SDK2: variants seen among roughly 807,000 people sequenced by gnomAD.
SDK2 encodes the protein sidekick cell adhesion molecule 2.
In SDK2, 105 loss-of-function variants were observed where a neutral mutation model predicts 253.9. The ratio of observed to expected loss-of-function variants is 0.41; its 90% CI spans 0.35 to 0.49. The LOEUF is 0.49. Among genes scored for constraint, SDK2 ranks in the 20% least tolerant of loss-of-function variants. SDK2 has a pLI of 0.06. For synonymous variants in SDK2, 1,249 were observed against 1,234.9 expected (o/e 1.01, Z -0.24); for missense variants, 2,608 against 3,003.0 (o/e 0.87, Z 3.07).
intron 1 of SDK2, among the ~76,000 whole-genome samples, chr17:73,567,782 T>C (rs1452803652): frequency 6.6e-6 from 1 of 152,264 alleles, no homozygotes; most frequent in East Asian, 1.9e-4. Flanking sequence ...TGTCATTTCT[T>C]TCTTTTGGTT....
chr17:73,605,789 C>T (rs1281698624), intron 1 of SDK2, among the ~76,000 whole-genome samples: 4 of 152,166 alleles, frequency 2.6e-5, no homozygotes, highest in African/African-American at 9.7e-5. Context: ...ACAACACCAG[C>T]CCTTTGTGGC....
intron 40 of SDK2, among the ~76,000 whole-genome samples, chr17:73,353,090 C>CAAA (rs11370779): frequency 6.7e-6 from 1 of 149,470 alleles, no homozygotes. Context: ...GACTCAGTCT[C>CAAA]AAAAAAAAAA....
Position 73,419,290 on chromosome 17 carries a change from C to T in SDK2, c.2062G>A (p.Glu688Lys). ...TTCTGTGGAGGGGCCGTGGGGGGCT[C>T]CTCGGGGAGGGAGACCCTGGATCAC... is the stretch of plus-strand genomic sequence containing the variant. ...KDTERVSLPE[E>K]PPTAPPQNVI... Residue 688 changes from glutamate (E) to lysine (K), a missense_variant, in exon 16 of 45, where the codon GAG becomes AAG. Coordinates refer to ENST00000392650, the MANE Select transcript of SDK2 (RefSeq NM_001144952.2). The T allele has an allele frequency of 6.2e-7, 1 of 1,612,540 alleles. No individual in the cohort carries two copies.
intron 36 of SDK2, among the ~76,000 whole-genome samples, chr17:73,377,080 A>G (rs1195464226): frequency 6.6e-6 from 1 of 152,028 alleles, no homozygotes; most frequent in East Asian, 1.9e-4. Flanking sequence ...CACTTAAGCC[A>G]TGGCACTGGG....
chr17:73,455,912 C>T lies in SDK2; in HGVS notation c.473G>A (p.Ser158Asn). Residue 158 changes from serine to asparagine, a missense_variant, in exon 4 of 45, where the codon AGC (serine) becomes AAC (asparagine). Around this residue, in one of 2 missense-constraint regions of SDK2, gnomAD observed 1,505 missense variants for 1,859.1 expected, o/e 0.81. Transcript: ENST00000392650. This position sits in a 1 kb window ranked among gnomAD's most constrained non-coding sequence, Gnocchi z 5.0. The part of the protein sequence containing the change: ...FRDGRKIPPS[S>N]RIAITLENTL... ...CTCAGAGCGATGCACTCACATGCGG[C>T]TGCTGGGCGGGATCTTGCGGCCGTC... The T allele has an allele frequency of 1.9e-6, 3 of 1,543,006 alleles. No individual in the cohort carries two copies.
rs1337972322 is a variant in SDK2, at chr17:73,612,786, G to A, written c.64+31239C>T. Among the ~76,000 whole-genome samples the A allele has an allele frequency of 3.3e-5, 5 of 152,066 alleles. No individual in the cohort carries two copies. Among genetic ancestry groups the A allele is most frequent in the African/African-American group, 7.2e-5 (3 of 41,408 alleles). ...ACAAAAATTAGCTGTACCTGGTGGT[G>A]CGCACCTGTAGTCCCAGCTACTCAG... On this transcript the variant is annotated intron_variant, in intron 1 of 44. Transcript: ENST00000392650. The surrounding 1 kb of genome is among the most constrained non-coding windows in gnomAD (Gnocchi z 4.4).
intron 1 of SDK2, among the ~76,000 whole-genome samples, chr17:73,561,504 A>C (rs997348103): frequency 3.3e-5 from 5 of 152,224 alleles, no homozygotes; most frequent in African/African-American, 1.2e-4. Flanking sequence ...CGCCTTCTTC[A>C]GGCCATACTG....
intron 18 of SDK2, among the ~76,000 whole-genome samples, chr17:73,411,103 G>C (rs11650320): frequency 6.6e-6 from 1 of 151,912 alleles, no homozygotes; most frequent in Non-Finnish European, 1.5e-5. Flanking sequence ...AGAGTTTTCC[G>C]GCAGCGAGTG....
intron 1 of SDK2, among the ~76,000 whole-genome samples, chr17:73,560,888 G>A (rs1192273731): frequency 6.6e-6 from 1 of 152,194 alleles, no homozygotes; most frequent in African/African-American, 2.4e-5. Context: ...TGGCGTCTGG[G>A]CCAGCAAGGA....
chr17:73,467,387 C>T lies in SDK2; in HGVS notation c.331+4725G>A, dbSNP rs1017978982. Among the ~76,000 whole-genome samples, 2 of 152,128 alleles carry T rather than the reference C, an allele frequency of 1.3e-5. No homozygotes were observed. Among genetic ancestry groups the T allele is most frequent in the East Asian group, 1.9e-4 (1 of 5,178 alleles). On this transcript the variant is annotated intron_variant, in intron 3 of 44. Coordinates refer to ENST00000392650, the MANE Select transcript of SDK2 (RefSeq NM_001144952.2). The surrounding 1 kb of genome is among the most constrained non-coding windows in gnomAD (Gnocchi z 4.1). ...CAAGGTGTGTCACCCGGCCGAGCCTCGGTTTCCTCATCTGTAACATGGAGA... is the reference window on the plus strand; with the variant it reads ...CAAGGTGTGTCACCCGGCCGAGCCTTGGTTTCCTCATCTGTAACATGGAGA...
intron 1 of SDK2, among the ~76,000 whole-genome samples, chr17:73,562,101 G>A (rs1336840538): frequency 6.6e-6 from 1 of 152,136 alleles, no homozygotes; most frequent in East Asian, 1.9e-4. Flanking sequence ...ACTCCAACCT[G>A]GGCGACAGAG....
At chr17:73,546,282 T>C (rs1008559538) in intron 1 of SDK2, among the ~76,000 whole-genome samples, 5 of 152,174 alleles carry the variant, frequency 3.3e-5, no homozygotes, top group African/African-American at 1.2e-4. Context: ...ATTAGTTCAT[T>C]AGCTGACACG....
intron 2 of SDK2, among the ~76,000 whole-genome samples, chr17:73,504,712 C>T (rs1171346170): frequency 1.1e-5 from 1 of 95,000 alleles, no homozygotes; most frequent in Non-Finnish European, 2.6e-5. Context: ...GAGCTGGGCC[C>T]TGCAGGAGAA....
intron 2 of SDK2, among the ~76,000 whole-genome samples, chr17:73,503,796 C>A (rs2063909459): frequency 6.6e-6 from 1 of 152,214 alleles, no homozygotes; most frequent in Admixed American, 6.5e-5. Context: ...TGTTGCCCAC[C>A]ACGACTGGTC....
At position 73,581,510 on chromosome 17, in the gene SDK2, C is replaced by T. The variant is rs555412500; in HGVS notation, c.64+62515G>A. Among the ~76,000 whole-genome samples the T allele has an allele frequency of 2.0e-5, 3 of 152,352 alleles. 1 individual carries two copies. The highest frequency in any genetic ancestry group is 2.1e-4 in the South Asian group (1 of 4,822). ...CCTGCCCCAGCTTGGCTGTGATAAG[C>T]GCACCTTCAAGGCTTAGAGGCTTTT... On this transcript the variant is annotated intron_variant, in intron 1 of 44. Coordinates refer to ENST00000392650, the MANE Select transcript of SDK2 (RefSeq NM_001144952.2).
At chr17:73,596,084 T>C (rs9902987) in intron 1 of SDK2, among the ~76,000 whole-genome samples, 55,028 of 151,998 alleles carry the variant, frequency 0.36, 10,928 homozygotes, top group African/African-American at 0.54. Flanking sequence ...CCCCAACACG[T>C]TTGGGCTGTC....
chr17:73,373,084 A>G (rs1246234657), intron 36 of SDK2, among the ~76,000 whole-genome samples: 2 of 152,126 alleles, frequency 1.3e-5, no homozygotes, highest in Non-Finnish European at 2.9e-5. Flanking sequence ...TATGAGTTTG[A>G]TTATTTTAGA....
intron 18 of SDK2, among the ~76,000 whole-genome samples, chr17:73,409,863 T>TCTC (rs1555763817): frequency 8.3e-5 from 7 of 83,918 alleles, no homozygotes; most frequent in Non-Finnish European, 1.8e-4. Context: ...GTCTCTCTCT[T>TCTC]TCTTTTTTTG....
chr17:73,534,931 A>G lies in SDK2; in HGVS notation c.65-27334T>C, dbSNP rs1219792014. On this transcript the variant is annotated intron_variant, in intron 1 of 44. Transcript: ENST00000392650. This position sits in a 1 kb window ranked among gnomAD's most constrained non-coding sequence, Gnocchi z 4.9. ...GCCCGCTACTGGGTCTAAGGAACCC[A>G]GGAGGAGGGAGGCAGCCTGAAACTC... Among the ~76,000 whole-genome samples the G allele has an allele frequency of 6.6e-6, 1 of 152,148 alleles. No homozygotes were observed. Among genetic ancestry groups the G allele is most frequent in the Non-Finnish European group, 1.5e-5 (1 of 68,018 alleles).
Sources: gnomAD v4.1 joint callset for allele counts (sites outside exome capture counted in the v4.1 genomes callset) on GRCh38, gnomAD v4.1.1 for gene constraint, gnomAD v4.1.1 regional missense constraint, Gnocchi (gnomAD v3.1) non-coding constraint, MANE v1.5 for transcripts, NCBI Gene and HGNC (gene_info 2026-07-23, HGNC 2026-07-21) for gene names.